Variants in DTX1 observed in about 807,000 individuals in gnomAD.
DTX1 encodes the protein E3 ubiquitin-protein ligase DTX1.
Under a neutral mutation model 57.8 loss-of-function variants are expected in DTX1, and 26 were observed. The ratio of observed to expected loss-of-function variants is 0.45; its 90% CI spans 0.33 to 0.62. DTX1 has a LOEUF of 0.62. DTX1 is among the 20% of genes least tolerant of loss of function. DTX1 has a pLI of 0.02. For synonymous variants in DTX1, 398 were observed against 394.1 expected (o/e 1.01, Z -0.12); for missense variants, 704 against 895.3 (o/e 0.79, Z 2.73).
intron 3 of DTX1, among the ~76,000 whole-genome samples, chr12:113,089,146 G>T (rs111411011): frequency 0.035 from 5,297 of 152,244 alleles, 207 homozygotes; most frequent in African/African-American, 0.095. Context: ...GGGTCAGCAA[G>T]TGCAAAGGCC....
intron 2 of DTX1, 75 bp downstream of exon 2, chr12:113,058,526 C>G (rs2136421066): frequency 6.5e-7 from 1 of 1,527,346 alleles, no homozygotes; most frequent in East Asian, 2.3e-5. Context: ...GCTGAAAATC[C>G]CAGTAAATCT....
intron 3 of DTX1, among the ~76,000 whole-genome samples, chr12:113,085,610 A>G (rs1420531021): frequency 6.6e-6 from 1 of 152,210 alleles, no homozygotes; most frequent in Admixed American, 6.5e-5. Context: ...TTCCTGCATT[A>G]AGGGCATTAA....
rs2044639901 is a variant in DTX1, at chr12:113,057,949, C to T, written c.-244C>T. 5.0e-6 allele frequency: 3 copies of T among 603,144 alleles called. No individual in the cohort carries two copies. The highest frequency in any genetic ancestry group is 3.4e-5 in the Admixed American group (1 of 29,300). 37.4% of individuals were successfully genotyped at this position (603,144 alleles called of 1,614,324 possible). ...TCCTCCGGCATAAGAGAGACACTTG[C>T]TTTCCAGGGCAGCACCCTTTATCGG... On this transcript the variant is annotated 5_prime_UTR_variant, in exon 2 of 10. Transcript: ENST00000548759.
chr12:113,094,126 G>GGGGGGGGGGGGGGGGGGGGGGC, intron 6 of DTX1, 27 bp downstream of exon 6: 1 of 964,912 alleles, frequency 1.0e-6, no homozygotes, highest in Non-Finnish European at 1.6e-6. Context: ...GGGGCTGGGG[G>GGGGGGGGGGGGGGGGGGGGGGC]AGGGCCCTGG....
intron 2 of DTX1, among the ~76,000 whole-genome samples, chr12:113,066,000 C>G (rs2136425243): frequency 6.6e-6 from 1 of 152,316 alleles, no homozygotes. Context: ...CCACCTGGCT[C>G]TGGAATCACA....
rs780164893 is a variant in DTX1 at position 113,058,312 on chromosome 12, C to T, written c.120C>T (p.Tyr40=). The T allele has an allele frequency of 1.9e-6, 3 of 1,613,544 alleles. No homozygotes were observed. Among genetic ancestry groups the T allele is most frequent in the African/African-American group, 2.7e-5 (2 of 74,930 alleles). ...WLNEHSRWRP[Y]TATVCHHIEN... is the part of the protein sequence containing the mutation. ...ATGAGCACAGCCGCTGGCGGCCCTA[C>T]ACGGCCACCGTGTGCCACCACATTG... The change falls in exon 2 of 10, where the codon TAC becomes TAT. Residue 40 remains tyrosine (Y), a synonymous_variant. Coordinates refer to ENST00000548759, the MANE Select transcript of DTX1 (RefSeq NM_004416.3).
At position 113,097,024 on chromosome 12, in the gene DTX1, T is replaced by C. The variant is rs975487305; in HGVS notation, c.*85T>C. On this transcript the variant is annotated 3_prime_UTR_variant, in exon 10 of 10. Coordinates refer to ENST00000548759, the MANE Select transcript of DTX1 (RefSeq NM_004416.3). The stretch of plus-strand genomic sequence containing the variant: ...GCCAGGTGTGTCCTGGTAGCCCAGG[T>C]TCAGGGCTGGGGAGGAGCCTGCGGA... 2.1e-6 allele frequency: 3 copies of C among 1,434,724 alleles called. No homozygotes were observed. Among genetic ancestry groups the C allele is most frequent in the African/African-American group, 2.8e-5 (2 of 71,222 alleles). The allele number at this position is 1,434,724 out of a possible 1,614,324, so 88.9% of individuals were successfully genotyped here.
intron 2 of DTX1, among the ~76,000 whole-genome samples, chr12:113,064,145 C>T (rs745495467): frequency 1.6e-4 from 25 of 152,176 alleles, no homozygotes; most frequent in Non-Finnish European, 3.1e-4. Context: ...GGTTACAGGA[C>T]CCTTTGGGAC....
At chr12:113,062,976 G>A (rs1364951032) in intron 2 of DTX1, among the ~76,000 whole-genome samples, 2 of 152,236 alleles carry the variant, frequency 1.3e-5, no homozygotes, top group East Asian at 3.8e-4. Flanking sequence ...GTGACCCTGA[G>A]CTGGATGATG....
rs2044645511 is a variant in DTX1, at chr12:113,058,422, A to G, written c.230A>G (p.Gln77Arg). The change falls in exon 2 of 10, where the codon CAG becomes CGG. Residue 77 changes from glutamine to arginine, a missense_variant. Physicochemically the swap from Gln to Arg is conservative, Grantham distance 43. Coordinates refer to ENST00000548759, the MANE Select transcript of DTX1 (RefSeq NM_004416.3). ...AQLVPYIIDL[Q>R]SMHQFRQDTG... ...CTTGTGCCCTACATCATCGACCTGCAGTCCATGCACCAGTTTCGCCAGGAC... is the reference window on the plus strand; with the variant it reads ...CTTGTGCCCTACATCATCGACCTGCGGTCCATGCACCAGTTTCGCCAGGAC... 1 of 1,605,358 alleles carries G rather than the reference A, an allele frequency of 6.2e-7. No homozygotes were observed. Among genetic ancestry groups the G allele is most frequent in the South Asian group, 1.1e-5 (1 of 91,050 alleles).
rs1950304911 is a variant in DTX1, at chr12:113,096,897, G to A, written c.1821G>A (p.Glu607=). Residue 607 remains glutamate (E), a synonymous_variant, in exon 10 of 10, where the codon GAG becomes GAA. Coordinates refer to ENST00000548759, the MANE Select transcript of DTX1 (RefSeq NM_004416.3). ...GCTACCTAGACAACGTGCTGGCTGAGCTCACAGCCCAGGGCGTATCCGAGG... is the reference window on the plus strand; with the variant it reads ...GCTACCTAGACAACGTGCTGGCTGAACTCACAGCCCAGGGCGTATCCGAGG... ...DASYLDNVLA[E]LTAQGVSEAA... 2.5e-6 allele frequency: 4 copies of A among 1,613,196 alleles called. No individual in the cohort carries two copies. Among genetic ancestry groups the A allele is most frequent in the Non-Finnish European group, 3.4e-6 (4 of 1,180,028 alleles).
intron 2 of DTX1, among the ~76,000 whole-genome samples, chr12:113,072,287 G>A (rs1356108647): frequency 6.6e-6 from 1 of 152,204 alleles, no homozygotes; most frequent in Non-Finnish European, 1.5e-5. Flanking sequence ...TCCCAAAAGT[G>A]ATCTACCAAT....
chr12:113,087,188 C>T (rs1236492857), intron 3 of DTX1, among the ~76,000 whole-genome samples: 1 of 152,150 alleles, frequency 6.6e-6, no homozygotes, highest in African/African-American at 2.4e-5. Flanking sequence ...ACCACTCACA[C>T]CTCAAAATGT....
At chr12:113,074,666 C>A (rs527824838) in intron 2 of DTX1, among the ~76,000 whole-genome samples, 1 of 152,072 alleles carries the variant, frequency 6.6e-6, no homozygotes, top group Non-Finnish European at 1.5e-5. Flanking sequence ...CCTCTGGCTG[C>A]GGTATGGGAA....
intron 1 of DTX1, among the ~76,000 whole-genome samples, 158 bp from the exon 2 acceptor site, chr12:113,057,291 C>T (rs1481753717): frequency 1.3e-5 from 2 of 152,278 alleles, no homozygotes; most frequent in East Asian, 1.9e-4. Context: ...TCCCTCCAGG[C>T]CTGCCCCAAG....
At chr12:113,075,827 AG>A (rs2044767497) in intron 2 of DTX1, among the ~76,000 whole-genome samples, 1 of 151,896 alleles carries the variant, frequency 6.6e-6, no homozygotes, top group African/African-American at 2.4e-5. Flanking sequence ...TAAAAAAAAA[AG>A]AATCCATTTG....
intron 2 of DTX1, among the ~76,000 whole-genome samples, chr12:113,069,253 A>G (rs564747356): frequency 1.3e-5 from 2 of 152,076 alleles, no homozygotes; most frequent in South Asian, 4.2e-4. Context: ...CTCCCCCTCC[A>G]CTTCCTGCTT....
rs774831457 is a variant in DTX1, at chr12:113,058,249, G to C, written c.57G>C (p.Pro19=). The C allele has an allele frequency of 1.9e-5, 30 of 1,613,540 alleles. 1 individual carries two copies. The South Asian group carries it at 3.1e-4, about 17-fold the overall frequency. ...LMPVNGLGFP[P]QNVARVVVWE... is the part of the protein sequence containing the mutation. ...CTGTGAATGGTCTGGGCTTCCCACC[G>C]CAGAACGTGGCCCGGGTGGTGGTGT... The change falls in exon 2 of 10, where the codon CCG becomes CCC. Residue 19 remains proline (P), a synonymous_variant. Coordinates refer to ENST00000548759, the MANE Select transcript of DTX1 (RefSeq NM_004416.3).
intron 6 of DTX1, among the ~76,000 whole-genome samples, chr12:113,094,348 T>C (rs1268266507): frequency 1.3e-5 from 2 of 152,252 alleles, no homozygotes; most frequent in African/African-American, 4.8e-5. Context: ...TTGCTTTTGA[T>C]AGTTAAGCCC....
Sources: gnomAD v4.1 joint callset for allele counts (sites outside exome capture counted in the v4.1 genomes callset) on GRCh38, gnomAD v4.1.1 for gene constraint, MANE v1.5 for transcripts, NCBI Gene and HGNC (gene_info 2026-07-23, HGNC 2026-07-21) for gene names.